The following CACNG2 variants were observed in gnomAD, a reference collection of about 807,000 sequenced individuals.
CACNG2 encodes voltage-dependent calcium channel gamma-2 subunit.
In CACNG2, 3 loss-of-function variants were observed where a neutral mutation model predicts 25.9. The ratio of observed to expected loss-of-function variants is 0.12; its 90% CI spans 0.05 to 0.30. The LOEUF is 0.30. Among genes scored for constraint, CACNG2 ranks in the 10% least tolerant of loss-of-function variants. The pLI, the probability that CACNG2 is intolerant of heterozygous loss-of-function variation, is 1.00. For missense variants in CACNG2, 341 were observed against 432.5 expected (o/e 0.79, Z 1.88); for synonymous variants, 167 against 173.3 (o/e 0.96, Z 0.29).
At chr22:36,602,652 T>C (rs11705381) in intron 1 of CACNG2, among the ~76,000 whole-genome samples, 1 of 152,196 alleles carries the variant, frequency 6.6e-6, no homozygotes, top group African/African-American at 2.4e-5. Flanking sequence ...TTCCAAAGTG[T>C]TGGGATTACA....
At chr22:36,695,271 T>C (rs1301763945) in intron 1 of CACNG2, among the ~76,000 whole-genome samples, 5 of 152,072 alleles carry the variant, frequency 3.3e-5, no homozygotes, top group Non-Finnish European at 7.4e-5. Context: ...CTCTAATCCT[T>C]ACAACAACTA....
intron 1 of CACNG2, among the ~76,000 whole-genome samples, chr22:36,693,800 G>A (rs1937296726): frequency 6.6e-6 from 1 of 152,114 alleles, no homozygotes; most frequent in Non-Finnish European, 1.5e-5. Flanking sequence ...GCATCCTTGA[G>A]AACTCAGTCC....
intron 1 of CACNG2, among the ~76,000 whole-genome samples, chr22:36,647,538 GT>G (rs1449333355): frequency 6.6e-6 from 1 of 152,020 alleles, no homozygotes; most frequent in Non-Finnish European, 1.5e-5. Flanking sequence ...GGAGGTTTCA[GT>G]GAGCCAAGAT....
At chr22:36,590,795 C>T (rs1935579656) in intron 1 of CACNG2, among the ~76,000 whole-genome samples, 1 of 152,096 alleles carries the variant, frequency 6.6e-6, no homozygotes. Context: ...AGCCTGACCC[C>T]CAACCTCCAC....
chr22:36,675,789 A>C (rs2145996803), intron 1 of CACNG2, among the ~76,000 whole-genome samples: 1 of 152,344 alleles, frequency 6.6e-6, no homozygotes, highest in South Asian at 2.1e-4. Context: ...AGGTATTGAG[A>C]AAGAGAGAGA....
At position 36,638,682 on chromosome 22, in the gene CACNG2, C is replaced by T. The variant is rs537658244; in HGVS notation, c.212-51134G>A. Among the ~76,000 whole-genome samples, 78 of 152,268 alleles carry T rather than the reference C, an allele frequency of 5.1e-4. 1 individual carries two copies. The South Asian group carries it at 0.015, about 30-fold the overall frequency. On this transcript the variant is annotated intron_variant, in intron 1 of 3. Coordinates refer to ENST00000300105, the MANE Select transcript of CACNG2 (RefSeq NM_006078.5). ...TTTTAATAATTTGCAAATACATTTC[C>T]ATTTGTGATATTGTTGACTGTTTTT...
intron 2 of CACNG2, among the ~76,000 whole-genome samples, chr22:36,574,394 T>C (rs1292736843): frequency 6.6e-6 from 1 of 151,978 alleles, no homozygotes. Flanking sequence ...GAGGGTGGCG[T>C]TGAGGTTAAC....
At position 36,606,760 on chromosome 22, in the gene CACNG2, G is replaced by C. The variant is rs1025944452; in HGVS notation, c.212-19212C>G. ...GAAACCAGACGGTTGGGCTGTGCGT[G>C]TGTGTGTGTGTGTGTGTGTATGTGT... On this transcript the variant is annotated intron_variant, in intron 1 of 3. Transcript: ENST00000300105. This position sits in a 1 kb window ranked among gnomAD's most constrained non-coding sequence, Gnocchi z 5.7. Among the ~76,000 whole-genome samples the C allele has an allele frequency of 1.1e-4, 8 of 70,392 alleles. No individual in the cohort carries two copies. In the East Asian group the frequency reaches 5.7e-3, roughly 50 times the overall value. 46.2% of individuals were successfully genotyped at this position (70,392 alleles called of 152,430 possible).
chr22:36,615,729 ACCCATGACTG>A (rs1179559235), intron 1 of CACNG2, among the ~76,000 whole-genome samples: 3 of 152,132 alleles, frequency 2.0e-5, no homozygotes. Context: ...CAGAGTATAG[ACCCATGACTG>A]GCATGTAGCA....
chr22:36,571,395 T>C (rs1193184514), intron 2 of CACNG2, among the ~76,000 whole-genome samples: 1 of 151,712 alleles, frequency 6.6e-6, no homozygotes, highest in Non-Finnish European at 1.5e-5. Flanking sequence ...AGGCAGAGGT[T>C]GCAGTAAACT....
chr22:36,676,620 T>C (rs1462810568), intron 1 of CACNG2, among the ~76,000 whole-genome samples: 1 of 152,216 alleles, frequency 6.6e-6, no homozygotes, highest in Non-Finnish European at 1.5e-5. Flanking sequence ...GTGAGGCTGC[T>C]ACGAGGCTCA....
At chr22:36,689,161 C>T (rs766994599) in intron 1 of CACNG2, among the ~76,000 whole-genome samples, 11 of 152,068 alleles carry the variant, frequency 7.2e-5, no homozygotes, top group East Asian at 3.9e-4. Flanking sequence ...TCACTGGTAA[C>T]GGTTTTGATA....
At chr22:36,627,345 G>C (rs972134827) in intron 1 of CACNG2, among the ~76,000 whole-genome samples, 15 of 151,292 alleles carry the variant, frequency 9.9e-5, no homozygotes, top group Non-Finnish European at 2.1e-4. Context: ...ATGAATGAGA[G>C]AATCAGGGTA....
chr22:36,569,462 C>T (rs761566126), intron 2 of CACNG2, among the ~76,000 whole-genome samples: 7 of 152,196 alleles, frequency 4.6e-5, no homozygotes, highest in Non-Finnish European at 7.3e-5. Context: ...CACTCACTTG[C>T]TGTGTGGCTA....
chr22:36,595,765 CA>C (rs1935669571), intron 1 of CACNG2, among the ~76,000 whole-genome samples: 1 of 152,172 alleles, frequency 6.6e-6, no homozygotes, highest in Non-Finnish European at 1.5e-5. Flanking sequence ...AGGGGCTCAA[CA>C]ACCATGACTC....
intron 1 of CACNG2, among the ~76,000 whole-genome samples, chr22:36,700,140 C>A (rs998160370): frequency 6.6e-6 from 1 of 152,190 alleles, no homozygotes; most frequent in South Asian, 2.1e-4. Flanking sequence ...AGTGCCTGTG[C>A]GCATCGCACA....
chr22:36,615,234 G>T (rs912270513), intron 1 of CACNG2, among the ~76,000 whole-genome samples: 1 of 152,214 alleles, frequency 6.6e-6, no homozygotes, highest in Non-Finnish European at 1.5e-5. Flanking sequence ...TGTGTACAAG[G>T]TTTGTAGTGA....
At chr22:36,636,537 C>T (rs1020741366) in intron 1 of CACNG2, among the ~76,000 whole-genome samples, 1 of 152,170 alleles carries the variant, frequency 6.6e-6, no homozygotes, top group Non-Finnish European at 1.5e-5. Context: ...GGATATTTTA[C>T]CTTTAAACAA....
chr22:36,598,868 A>G (rs373626392), intron 1 of CACNG2, among the ~76,000 whole-genome samples: 19 of 151,860 alleles, frequency 1.3e-4, no homozygotes, highest in East Asian at 1.2e-3. Flanking sequence ...AGTCCCAGCT[A>G]CTCGGGAGGC....
Sources: allele counts gnomAD v4.1 joint callset (sites outside exome capture counted in the v4.1 genomes callset), GRCh38; gene constraint gnomAD v4.1.1; non-coding constraint Gnocchi (gnomAD v3.1); transcripts MANE v1.5; gene names NCBI Gene and HGNC (gene_info 2026-07-23, HGNC 2026-07-21).